The following PFKL variants were observed in gnomAD, a reference collection of about 807,000 sequenced individuals.
PFKL encodes the protein phosphofructokinase, liver type.
A neutral mutation model predicts 92.1 loss-of-function variants in PFKL; 74 were observed. The ratio of observed to expected loss-of-function variants is 0.80; its 90% CI spans 0.67 to 0.97. PFKL has a LOEUF of 0.97. PFKL is among the 50% of genes least tolerant of loss of function. The pLI is 0.00. For synonymous variants in PFKL, 494 were observed against 456.4 expected, an observed-to-expected ratio of 1.08 and a Z score of -1.05; for missense variants, 1,028 against 1,116.6, an observed-to-expected ratio of 0.92 and a Z score of 1.13.
intron 20 of PFKL, 40 bp downstream of exon 20, chr21:44,326,100 C>T (rs1163814538): frequency 1.5e-5 from 24 of 1,607,234 alleles, no homozygotes; most frequent in Non-Finnish European, 1.9e-5. Flanking sequence ...CTTTGCCCTC[C>T]CCTGGCTCCC....
At chr21:44,312,953 G>A (rs767026659) in intron 4 of PFKL, 25 bp from the exon 5 acceptor site, 3 of 1,610,500 alleles carry the variant, frequency 1.9e-6, no homozygotes, top group Non-Finnish European at 2.5e-6. Flanking sequence ...GCCTCAGCCA[G>A]GTCCTCCTGC....
At chr21:44,321,682 T>C in intron 12 of PFKL, 47 bp from the exon 13 acceptor site, 1 of 1,468,168 alleles carries the variant, frequency 6.8e-7, no homozygotes, top group Non-Finnish European at 9.0e-7. Context: ...AGGTTGGGGG[T>C]CCCCTCCCCG....
chr21:44,305,602 GC>G (rs1014047298), intron 1 of PFKL, among the ~76,000 whole-genome samples: 7 of 152,166 alleles, frequency 4.6e-5, no homozygotes, highest in African/African-American at 2.4e-5. Flanking sequence ...CTGTTACACG[GC>G]CCCAGACCTC....
intron 4 of PFKL, among the ~76,000 whole-genome samples, 162 bp downstream of exon 4, chr21:44,312,456 C>T (rs761610000): frequency 1.3e-5 from 2 of 152,152 alleles, no homozygotes; most frequent in Non-Finnish European, 2.9e-5. Flanking sequence ...TCTGCCAGCA[C>T]GAGCTCAGAT....
intron 12 of PFKL, 33 bp from the exon 13 acceptor site, chr21:44,321,696 G>A (rs748476197): frequency 4.6e-6 from 7 of 1,508,428 alleles, no homozygotes; most frequent in Middle Eastern, 3.6e-4. Flanking sequence ...CTCCCCGGCT[G>A]TGCCTCACGC....
At chr21:44,313,890 C>T in intron 6 of PFKL, 23 bp from the exon 7 acceptor site, 2 of 1,544,312 alleles carry the variant, frequency 1.3e-6, no homozygotes, top group Non-Finnish European at 1.8e-6. Flanking sequence ...GGGTCCTGAG[C>T]AGGCAGGCGC....
chr21:44,303,098 G>A (rs910266509), intron 1 of PFKL, among the ~76,000 whole-genome samples: 1 of 152,070 alleles, frequency 6.6e-6, no homozygotes, highest in African/African-American at 2.4e-5. Context: ...GCTGGGCATG[G>A]TGGTGCGCAT....
In PFKL at chr21:44,314,031, G is replaced by A. The variant is rs778668377; in HGVS notation, c.747+10G>A. The A allele has an allele frequency of 1.1e-5, 17 of 1,576,406 alleles. No individual in the cohort carries two copies. In the East Asian group the frequency reaches 2.9e-4, roughly 27 times the overall value. On this transcript the variant is annotated intron_variant, in intron 7 of 21. Transcript: ENST00000349048. ...TGAGAGGCTGGGTGAGGTGGGTGCC[G>A]TCCAGCCTGCTGGGGGCCGCAGGTG...
At chr21:44,305,623 G>A (rs1340858370) in intron 1 of PFKL, among the ~76,000 whole-genome samples, 4 of 152,190 alleles carry the variant, frequency 2.6e-5, no homozygotes, top group Non-Finnish European at 5.9e-5. Context: ...CACTCAGAAG[G>A]GGACCCTGGC....
In PFKL at chr21:44,302,561, G is replaced by A. The variant is rs905922995; in HGVS notation, c.85+2371G>A. The stretch of plus-strand genomic sequence containing the variant: ...CTTCCTAGAAAGGCTGACCCTGGCC[G>A]AGGGGAAGCCTGTGGCATAGTGTGC... On this transcript the variant is annotated intron_variant, in intron 1 of 21. Transcript: ENST00000349048. Among the ~76,000 whole-genome samples, 5 of 152,214 alleles carry A rather than the reference G, an allele frequency of 3.3e-5. No homozygotes were observed. In the South Asian group the frequency reaches 6.2e-4, roughly 19 times the overall value.
At chr21:44,320,002 C>G in intron 11 of PFKL, 82 bp from the exon 12 acceptor site, 2 of 1,314,350 alleles carry the variant, frequency 1.5e-6, no homozygotes, top group Non-Finnish European at 2.2e-6. Flanking sequence ...TGACCAGCCT[C>G]CTGGGCTCTG....
chr21:44,326,048 G>T lies in PFKL; in HGVS notation c.2077G>T (p.Val693Phe), dbSNP rs370159883. ...MLWLSEKLREVYRKGRVFANA... is the reference protein window; with the variant it reads ...MLWLSEKLREFYRKGRVFANA... ...GTGGTTGTCGGAGAAGCTGCGCGAG[G>T]TTTACCGCAAGGGTAGGTGGTGGGT... Residue 693 changes from valine to phenylalanine, a missense_variant, in exon 20 of 22, where the codon GTT becomes TTT. Val to Phe is a conservative substitution (Grantham distance 50, BLOSUM62 -1). Coordinates refer to ENST00000349048, the MANE Select transcript of PFKL (RefSeq NM_002626.6). 7.4e-5 allele frequency: 119 copies of T among 1,613,604 alleles called. No individual in the cohort carries two copies. Among genetic ancestry groups the T allele is most frequent in the Non-Finnish European group, 1.0e-4 (118 of 1,179,944 alleles).
In PFKL at chr21:44,326,628, C is replaced by CGG. The variant is rs57141553; in HGVS notation, c.2196-80_2196-79dup. On this transcript the variant is annotated intron_variant, in intron 21 of 21. Transcript: ENST00000349048. ...GAGGGGCATGCACAGGCTGCAGGGTCGGGGGGGGTGGGGGGGCTGGGGACG... is the reference window on the plus strand; with the variant it reads ...GAGGGGCATGCACAGGCTGCAGGGTCGGGGGGGGGGTGGGGGGGCTGGGGACG... 15 of 1,030,600 alleles carry CGG rather than the reference C, an allele frequency of 1.5e-5. No homozygotes were observed. In the African/African-American group the frequency reaches 2.6e-4, roughly 18 times the overall value. The allele number at this position is 1,030,600 out of a possible 1,614,324, so 63.8% of individuals were successfully genotyped here. A position where few individuals can be genotyped will look rare whatever the true frequency, so the allele number is the denominator to read the frequency against.
At chr21:44,311,150 G>A (rs2047029121) in intron 3 of PFKL, 67 bp downstream of exon 3, 2 of 1,233,892 alleles carry the variant, frequency 1.6e-6, no homozygotes, top group Non-Finnish European at 2.3e-6. Flanking sequence ...AGACAGACCT[G>A]CACACACAGA....
At position 44,324,000 on chromosome 21, in the gene PFKL, T is replaced by C. The variant is rs189022145; in HGVS notation, c.1650+82T>C. On this transcript the variant is annotated intron_variant, in intron 16 of 21. Transcript: ENST00000349048. The stretch of plus-strand genomic sequence containing the variant: ...AGCCTACGGAGGCTGCTGGAGGGGA[T>C]AGTGTGTGGTGAGCACCTGGGAGGG... The C allele has an allele frequency of 3.3e-4, 496 of 1,523,834 alleles. 1 individual carries two copies. In the African/African-American group the frequency reaches 5.6e-3, roughly 17 times the overall value. The allele number at this position is 1,523,834 out of a possible 1,614,324, so 94.4% of individuals were successfully genotyped here. A position where few individuals can be genotyped will look rare whatever the true frequency, so the allele number is the denominator to read the frequency against.
intron 9 of PFKL, 124 bp downstream of exon 9, chr21:44,316,648 C>T (rs1198145409): frequency 9.8e-6 from 7 of 713,334 alleles, no homozygotes; most frequent in African/African-American, 1.8e-5. Context: ...GGGTGAGTGT[C>T]CGTGTCTGTG....
intron 14 of PFKL, 46 bp from the exon 15 acceptor site, chr21:44,322,916 C>T (rs377138972): frequency 2.1e-4 from 299 of 1,414,894 alleles, no homozygotes; most frequent in Non-Finnish European, 1.4e-4. Flanking sequence ...TCTGGACACG[C>T]GTCCCCGGGT....
Position 44,320,114 on chromosome 21 carries a change from G to A in PFKL, c.1158G>A (p.Lys386=). ...TCGAGAACAACTGGAACATTTACAAGCTCCTCGCCCACCAGAAGCCCCCCA... is the reference window on the plus strand; with the variant it reads ...TCGAGAACAACTGGAACATTTACAAACTCCTCGCCCACCAGAAGCCCCCCA... ...GSFENNWNIY[K]LLAHQKPPKE... The change falls in exon 12 of 22, where the codon AAG becomes AAA. Residue 386 remains lysine (K), a synonymous_variant. Coordinates refer to ENST00000349048, the MANE Select transcript of PFKL (RefSeq NM_002626.6). 1 of 1,613,504 alleles carries A rather than the reference G, an allele frequency of 6.2e-7. No individual in the cohort carries two copies. The highest frequency in any genetic ancestry group is 2.2e-5 in the East Asian group (1 of 44,878).
In PFKL at chr21:44,316,724, TGG is replaced by T. The variant is rs1310390425; in HGVS notation, c.936+202_936+203del. ...TGTGTCTGTGTGTGTCTGGTCCGTG[TGG>T]GTGTGTGTGGCAGTGTGTGTGGGTG... On this transcript the variant is annotated intron_variant, in intron 9 of 21. Transcript: ENST00000349048. Among the ~76,000 whole-genome samples the T allele has an allele frequency of 5.3e-5, 8 of 151,874 alleles. No individual in the cohort carries two copies. The East Asian group carries it at 7.7e-4, about 15-fold the overall frequency.
Sources: gnomAD v4.1 joint callset for allele counts (sites outside exome capture counted in the v4.1 genomes callset) on GRCh38, gnomAD v4.1.1 for gene constraint, MANE v1.5 for transcripts, NCBI Gene and HGNC (gene_info 2026-07-23, HGNC 2026-07-21) for gene names.